ADAMTS19: variants seen among roughly 807,000 people sequenced by gnomAD.
ADAMTS19 encodes the protein A disintegrin and metalloproteinase with thrombospondin motifs 19.
ADAMTS19 carries 93 observed loss-of-function variants against 153.3 expected under a neutral mutation model. The observed-to-expected ratio is 0.61, with a 90% CI of 0.51 to 0.72. ADAMTS19 has a LOEUF of 0.72. Among genes scored for constraint, ADAMTS19 ranks in the 30% least tolerant of loss-of-function variants. ADAMTS19 has a pLI of 0.00. For synonymous variants in ADAMTS19, 600 were observed against 556.6 expected (o/e 1.08, Z -1.10); for missense variants, 1,482 against 1,552.1 (o/e 0.95, Z 0.76).
intron 3 of ADAMTS19, among the ~76,000 whole-genome samples, chr5:129,525,374 G>C (rs1751972108): frequency 6.6e-6 from 1 of 151,768 alleles, no homozygotes; most frequent in Admixed American, 6.6e-5. Flanking sequence ...AATGTATTTT[G>C]GTTTTAATTT....
In ADAMTS19 at chr5:129,535,753, T is replaced by C. The variant is rs191301825; in HGVS notation, c.1328+7076T>C. 9.8e-3 allele frequency among the ~76,000 whole-genome samples: 1,488 copies of C among 152,146 alleles called. 28 individuals carry two copies. Among genetic ancestry groups the C allele is most frequent in the African/African-American group, 0.035 (1,443 of 41,506 alleles). Reference sequence around the variant, plus strand: ...AACAGAACAGAGCCCTCAGAAATAATGCCATATATCTACAACTATATGATC... The same window carrying C: ...AACAGAACAGAGCCCTCAGAAATAACGCCATATATCTACAACTATATGATC... On this transcript the variant is annotated intron_variant, in intron 6 of 22. Transcript: ENST00000274487.
At chr5:129,559,379 C>A (rs1753422662) in intron 7 of ADAMTS19, among the ~76,000 whole-genome samples, 1 of 151,596 alleles carries the variant, frequency 6.6e-6, no homozygotes, top group South Asian at 2.1e-4. Context: ...GATAATACAT[C>A]AAGGGTGAAT....
chr5:129,463,499 A>G (rs1243953163), intron 2 of ADAMTS19, among the ~76,000 whole-genome samples: 1 of 152,210 alleles, frequency 6.6e-6, no homozygotes, highest in Non-Finnish European at 1.5e-5. Flanking sequence ...TTAGCTACAT[A>G]TGTATATGTT....
intron 6 of ADAMTS19, among the ~76,000 whole-genome samples, chr5:129,544,180 C>A (rs1752765757): frequency 6.6e-6 from 1 of 152,068 alleles, no homozygotes; most frequent in South Asian, 2.1e-4. Flanking sequence ...TTTTCTATCT[C>A]CAACCATTTG....
chr5:129,490,921 T>C (rs1250451300), intron 2 of ADAMTS19, among the ~76,000 whole-genome samples: 2 of 152,142 alleles, frequency 1.3e-5, no homozygotes, highest in East Asian at 3.9e-4. Flanking sequence ...CTCTTTCGCA[T>C]TTGTGCAAAT....
chr5:129,610,696 A>G (rs1346696269), intron 8 of ADAMTS19, among the ~76,000 whole-genome samples: 1 of 152,064 alleles, frequency 6.6e-6, no homozygotes, highest in East Asian at 1.9e-4. Context: ...TCACTGTTGG[A>G]CATTTGGGTT....
chr5:129,481,602 T>G (rs1478806785), intron 2 of ADAMTS19, among the ~76,000 whole-genome samples: 1 of 152,180 alleles, frequency 6.6e-6, no homozygotes, highest in Non-Finnish European at 1.5e-5. Context: ...TTCTTAACAA[T>G]GCATTTTAGT....
chr5:129,610,544 G>GT (rs1217793541), intron 8 of ADAMTS19, among the ~76,000 whole-genome samples: 2 of 151,986 alleles, frequency 1.3e-5, no homozygotes, highest in African/African-American at 2.4e-5. Flanking sequence ...ATGGTGTTTG[G>GT]TTTTTTGTCC....
At chr5:129,493,321 A>G (rs1750829035) in intron 2 of ADAMTS19, among the ~76,000 whole-genome samples, 1 of 152,056 alleles carries the variant, frequency 6.6e-6, no homozygotes, top group South Asian at 2.1e-4. Flanking sequence ...GCCAAGAATG[A>G]TCATGATTCC....
Position 129,737,206 on chromosome 5 carries a change from G to A in ADAMTS19, c.3630G>A (p.Gln1210=), listed in dbSNP as rs1175429715. 1 of 1,600,676 alleles carries A rather than the reference G, an allele frequency of 6.2e-7. No homozygotes were observed. ...TCRDFYAQKL[Q]QKS ...GGGACTTCTATGCCCAAAAGCTGCAGCAGAAGAGTTGACCTCTAGCAGGCT... is the reference window on the plus strand; with the variant it reads ...GGGACTTCTATGCCCAAAAGCTGCAACAGAAGAGTTGACCTCTAGCAGGCT... The change falls in exon 23 of 23, where the codon CAG becomes CAA. Residue 1210 remains glutamine (Q), a synonymous_variant. Coordinates refer to ENST00000274487, the MANE Select transcript of ADAMTS19 (RefSeq NM_133638.6).
chr5:129,659,121 C>T (rs1183496887), intron 15 of ADAMTS19, among the ~76,000 whole-genome samples: 1 of 152,094 alleles, frequency 6.6e-6, no homozygotes, highest in African/African-American at 2.4e-5. Flanking sequence ...TGGTTTTCAG[C>T]TTTCCATCTT....
intron 10 of ADAMTS19, among the ~76,000 whole-genome samples, chr5:129,638,223 G>A (rs892428067): frequency 1.3e-5 from 2 of 152,104 alleles, no homozygotes; most frequent in Non-Finnish European, 2.9e-5. Context: ...CTGGACAGGT[G>A]TATTTTTGTG....
intron 8 of ADAMTS19, among the ~76,000 whole-genome samples, chr5:129,611,238 T>G (rs1240236467): frequency 6.6e-6 from 1 of 152,076 alleles, no homozygotes; most frequent in Non-Finnish European, 1.5e-5. Flanking sequence ...TTCTGTAGGT[T>G]GCCTGTCCAC....
chr5:129,560,646 G>A (rs1174653689), intron 7 of ADAMTS19, among the ~76,000 whole-genome samples: 6 of 152,038 alleles, frequency 3.9e-5, no homozygotes, highest in Admixed American at 6.6e-5. Flanking sequence ...CAGGTGATTC[G>A]CAACCAGAAT....
At chr5:129,613,855 T>A (rs572807079) in intron 8 of ADAMTS19, among the ~76,000 whole-genome samples, 1 of 152,126 alleles carries the variant, frequency 6.6e-6, no homozygotes, top group South Asian at 2.1e-4. Flanking sequence ...AAAGGGGATA[T>A]CACCATCGAT....
At position 129,463,883 on chromosome 5, in the gene ADAMTS19, C is replaced by G. The variant is rs749709278; in HGVS notation, c.747+2126C>G. On this transcript the variant is annotated intron_variant, in intron 2 of 22. Transcript: ENST00000274487. Reference sequence around the variant, plus strand: ...GAATGTTCTGCCTTTTAGGGGCTCACAAGTTAAGAGAAAGATATCACCTGT... The same window carrying G: ...GAATGTTCTGCCTTTTAGGGGCTCAGAAGTTAAGAGAAAGATATCACCTGT... Among the ~76,000 whole-genome samples, 53 of 152,246 alleles carry G rather than the reference C, an allele frequency of 3.5e-4. 1 individual carries two copies. Among genetic ancestry groups the G allele is most frequent in the Admixed American group, 1.6e-3 (24 of 15,286 alleles).
chr5:129,550,516 C>G (rs1355504866), intron 6 of ADAMTS19, among the ~76,000 whole-genome samples: 2 of 148,048 alleles, frequency 1.4e-5, no homozygotes, highest in African/African-American at 4.9e-5. Context: ...CTATACATAT[C>G]TGTATATATA....
intron 2 of ADAMTS19, among the ~76,000 whole-genome samples, chr5:129,508,466 A>T (rs747043290): frequency 6.6e-6 from 1 of 151,960 alleles, no homozygotes; most frequent in Non-Finnish European, 1.5e-5. Flanking sequence ...TACAGTTTCA[A>T]CCCTCTGTCT....
At chr5:129,464,871 A>G (rs899687748) in intron 2 of ADAMTS19, among the ~76,000 whole-genome samples, 2 of 152,322 alleles carry the variant, frequency 1.3e-5, no homozygotes, top group Non-Finnish European at 1.5e-5. Flanking sequence ...TATTTGAGTC[A>G]TATATTAGAT....
Sources: allele counts gnomAD v4.1 joint callset (sites outside exome capture counted in the v4.1 genomes callset), GRCh38; gene constraint gnomAD v4.1.1; transcripts MANE v1.5; gene names NCBI Gene and HGNC (gene_info 2026-07-23, HGNC 2026-07-21).